Variants in CHD9 observed in about 807,000 individuals in gnomAD.
The protein encoded by CHD9 is ATP-dependent chromatin remodeler CHD9.
Under a neutral mutation model 316.1 loss-of-function variants are expected in CHD9, and 77 were observed. That is an observed-to-expected ratio of 0.24 (90% confidence interval 0.20 to 0.29). The LOEUF (loss-of-function observed/expected upper bound fraction) is 0.29, where lower values mean the gene tolerates loss of function less well. Ranked by LOEUF, CHD9 falls within the 10% of genes least tolerant of loss-of-function variation. CHD9 has a pLI of 1.00. For missense variants in CHD9, 2,763 were observed against 3,438.1 expected, an observed-to-expected ratio of 0.80 and a Z score of 4.91; for synonymous variants, 1,129 against 1,158.3, an observed-to-expected ratio of 0.97 and a Z score of 0.51.
chr16:53,062,252 C>G (rs1445409914), intron 1 of CHD9, among the ~76,000 whole-genome samples: 1 of 152,186 alleles, frequency 6.6e-6, no homozygotes, highest in Non-Finnish European at 1.5e-5. Flanking sequence ...TAAGTGTGAC[C>G]ATTTAATAAC....
intron 1 of CHD9, among the ~76,000 whole-genome samples, chr16:53,106,368 T>G (rs866917312): frequency 1.3e-5 from 2 of 152,262 alleles, no homozygotes; most frequent in African/African-American, 4.8e-5. Flanking sequence ...TGAACCAAAG[T>G]TTCCTAAATG....
intron 2 of CHD9, among the ~76,000 whole-genome samples, chr16:53,204,623 G>T (rs2045749254): frequency 6.6e-6 from 1 of 151,742 alleles, no homozygotes; most frequent in South Asian, 2.1e-4. Flanking sequence ...CTTGCTATTA[G>T]GTCATGACCT....
At chr16:53,062,897 C>T (rs2033070326) in intron 1 of CHD9, among the ~76,000 whole-genome samples, 1 of 151,956 alleles carries the variant, frequency 6.6e-6, no homozygotes, top group Non-Finnish European at 1.5e-5. Flanking sequence ...AGGCACATGC[C>T]TGTAATCCCA....
intron 2 of CHD9, among the ~76,000 whole-genome samples, chr16:53,161,105 GA>G (rs1193751067): frequency 6.6e-6 from 1 of 151,766 alleles, no homozygotes; most frequent in African/African-American, 2.4e-5. Context: ...AAAGAAAAAA[GA>G]AAAAAACACT....
At chr16:53,241,354 G>A (rs1030582855) in intron 12 of CHD9, among the ~76,000 whole-genome samples, 7 of 152,148 alleles carry the variant, frequency 4.6e-5, no homozygotes, top group Non-Finnish European at 7.4e-5. Flanking sequence ...GTAACCCAGA[G>A]CTCAGTCTTC....
At chr16:53,297,260 A>G (rs1418885844) in intron 30 of CHD9, 102 bp downstream of exon 30, 6 of 777,056 alleles carry the variant, frequency 7.7e-6, no homozygotes, top group East Asian at 2.5e-5. Context: ...TTTCAATACT[A>G]TCTAATTCAA....
intron 1 of CHD9, among the ~76,000 whole-genome samples, chr16:53,065,440 C>A (rs1404440239): frequency 6.6e-6 from 1 of 151,726 alleles, no homozygotes; most frequent in African/African-American, 2.4e-5. Context: ...TCAAAATCAG[C>A]CAGGGCAATA....
intron 29 of CHD9, among the ~76,000 whole-genome samples, chr16:53,296,690 C>T (rs2054836150): frequency 6.6e-6 from 1 of 151,916 alleles, no homozygotes; most frequent in East Asian, 1.9e-4. Flanking sequence ...TGCGATCCGC[C>T]CGCCTCGGCC....
intron 32 of CHD9, 74 bp from the exon 33 acceptor site, chr16:53,307,607 C>G (rs1597945393): frequency 1.5e-6 from 2 of 1,361,454 alleles, no homozygotes; most frequent in East Asian, 5.0e-5. Flanking sequence ...AATCCATAGA[C>G]TCTTGAGCTA....
chr16:53,293,277 A>T (rs1359946577), intron 29 of CHD9, among the ~76,000 whole-genome samples: 1 of 152,174 alleles, frequency 6.6e-6, no homozygotes, highest in Admixed American at 6.5e-5. Flanking sequence ...ACCATACTGT[A>T]ATCATTTTTT....
At chr16:53,100,291 TAC>T (rs1257999053) in intron 1 of CHD9, among the ~76,000 whole-genome samples, 2 of 152,184 alleles carry the variant, frequency 1.3e-5, no homozygotes, top group African/African-American at 2.4e-5. Context: ...TTGCTGCCTG[TAC>T]AGTCTTTGTG....
At chr16:53,089,238 A>ATG (rs1567319285) in intron 1 of CHD9, among the ~76,000 whole-genome samples, 1 of 152,190 alleles carries the variant, frequency 6.6e-6, no homozygotes, top group Non-Finnish European at 1.5e-5. Flanking sequence ...GTGAGCTATG[A>ATG]TGGTGCCACT....
chr16:53,277,798 G>T (rs537937580), intron 24 of CHD9, among the ~76,000 whole-genome samples: 2 of 152,272 alleles, frequency 1.3e-5, no homozygotes, highest in South Asian at 4.1e-4. Context: ...ATCCAAATTG[G>T]TAAAGAGGAT....
intron 1 of CHD9, among the ~76,000 whole-genome samples, chr16:53,060,628 C>T (rs2032759368): frequency 6.6e-6 from 1 of 151,896 alleles, no homozygotes; most frequent in African/African-American, 2.4e-5. Context: ...TGTGGTGGTG[C>T]ACCTGTAGTC....
chr16:53,259,492 T>C (rs1295592708), intron 19 of CHD9, among the ~76,000 whole-genome samples: 1 of 151,944 alleles, frequency 6.6e-6, no homozygotes, highest in African/African-American at 2.4e-5. Context: ...CCTCATGGTT[T>C]TTTGCTTTTT....
intron 2 of CHD9, among the ~76,000 whole-genome samples, chr16:53,202,830 A>T (rs1224459691): frequency 6.6e-6 from 1 of 152,224 alleles, no homozygotes; most frequent in African/African-American, 2.4e-5. Flanking sequence ...ACTGCGAGTC[A>T]CAAGACGAAA....
chr16:53,246,237 T>G (rs577423932), intron 15 of CHD9, among the ~76,000 whole-genome samples: 1 of 152,364 alleles, frequency 6.6e-6, no homozygotes, highest in African/African-American at 2.4e-5. Context: ...TTTAAGATCT[T>G]ATCAGGTTCT....
intron 1 of CHD9, among the ~76,000 whole-genome samples, chr16:53,104,673 A>T (rs1278670307): frequency 6.6e-6 from 1 of 151,908 alleles, no homozygotes; most frequent in Non-Finnish European, 1.5e-5. Context: ...TTAGCTGGGC[A>T]TGGTGGCAGG....
chr16:53,283,285 G>T (rs529547734), intron 24 of CHD9, among the ~76,000 whole-genome samples: 2 of 152,254 alleles, frequency 1.3e-5, no homozygotes, highest in East Asian at 3.9e-4. Flanking sequence ...GCCATTATTG[G>T]CATGTAGTGA....
Sources: gnomAD v4.1 joint callset for allele counts (sites outside exome capture counted in the v4.1 genomes callset) on GRCh38, gnomAD v4.1.1 for gene constraint, MANE v1.5 for transcripts, NCBI Gene and HGNC (gene_info 2026-07-23, HGNC 2026-07-21) for gene names.